PDE3B: variants seen among roughly 807,000 people sequenced by gnomAD.
The protein encoded by PDE3B is phosphodiesterase 3B, also known as cGMP-inhibited 3',5'-cyclic phosphodiesterase 3B.
A neutral mutation model predicts 116.8 loss-of-function variants in PDE3B; 66 were observed. The observed-to-expected ratio is 0.56, with a 90% CI of 0.46 to 0.69. PDE3B has a LOEUF of 0.69. Among genes scored for constraint, PDE3B ranks in the 30% least tolerant of loss-of-function variants. PDE3B has a pLI of 0.00. For synonymous variants in PDE3B, 595 were observed against 533.6 expected (o/e 1.12, Z -1.59); for missense variants, 1,384 against 1,368.1 (o/e 1.01, Z -0.18).
the PDE3B span, chr11:14,891,791 G>C: frequency 1.4e-6 from 2 of 1,406,500 alleles, no homozygotes; most frequent in Non-Finnish European, 1.8e-6. Context: ...GGCTCCCCCT[G>C]CAAGGGGGCA....
intron 1 of PDE3B, among the ~76,000 whole-genome samples, chr11:14,708,529 T>C (rs1325804120): frequency 3.3e-5 from 5 of 152,098 alleles, no homozygotes; most frequent in Non-Finnish European, 7.4e-5. Context: ...CTAAATGTAA[T>C]ACATGGCTTC....
intron 1 of PDE3B, among the ~76,000 whole-genome samples, chr11:14,660,141 T>C (rs1302130593): frequency 6.6e-6 from 1 of 152,210 alleles, no homozygotes; most frequent in Non-Finnish European, 1.5e-5. Flanking sequence ...CTAAGAGCCA[T>C]TCTGGAAGAC....
chr11:14,648,742 A>G (rs979498398), intron 1 of PDE3B, among the ~76,000 whole-genome samples: 2 of 151,786 alleles, frequency 1.3e-5, no homozygotes, highest in Non-Finnish European at 2.9e-5. Flanking sequence ...CATAATCTGC[A>G]CTCTGCCATT....
chr11:14,890,597 A>T, the PDE3B span: 123 of 207,690 alleles, frequency 5.9e-4, no homozygotes, highest in Middle Eastern at 0.015. Context: ...CCCAGGCTGG[A>T]GTGCAGTGGC....
chr11:14,729,802 G>A (rs566943081), intron 1 of PDE3B, among the ~76,000 whole-genome samples: 1 of 152,132 alleles, frequency 6.6e-6, no homozygotes, highest in East Asian at 1.9e-4. Flanking sequence ...CAAATACTTT[G>A]TAATAAAAAC....
intron 15 of PDE3B, among the ~76,000 whole-genome samples, chr11:14,868,634 T>C (rs1404717901): frequency 2.0e-5 from 3 of 152,250 alleles, no homozygotes; most frequent in Non-Finnish European, 2.9e-5. Context: ...AAAGTAGAAT[T>C]TAAATTATAC....
chr11:14,890,511 T>C, the PDE3B span: 3 of 799,032 alleles, frequency 3.8e-6, no homozygotes, highest in Non-Finnish European at 4.5e-6. Context: ...ATTAGTGACT[T>C]TCTATTCTAG....
chr11:14,893,236 C>A, the PDE3B span, among the ~76,000 whole-genome samples: 1 of 152,172 alleles, frequency 6.6e-6, no homozygotes, highest in Non-Finnish European at 1.5e-5. Flanking sequence ...GAGGGAAGAG[C>A]AATGACATGG....
intron 14 of PDE3B, 68 bp from the exon 15 acceptor site, chr11:14,867,438 T>G: frequency 7.2e-7 from 1 of 1,386,768 alleles, no homozygotes; most frequent in East Asian, 2.3e-5. Flanking sequence ...CAAGATAATT[T>G]TAACAGCAAA....
intron 5 of PDE3B, among the ~76,000 whole-genome samples, chr11:14,811,111 T>G (rs1452059281): frequency 4.6e-5 from 7 of 152,188 alleles, no homozygotes; most frequent in African/African-American, 1.7e-4. Flanking sequence ...TCTCCCATTT[T>G]GTAGGTTGCC....
Position 14,674,141 on chromosome 11 carries a change from G to A in PDE3B, c.978+29088G>A, listed in dbSNP as rs1197489224. 34 of 1,425,486 alleles carry A rather than the reference G, an allele frequency of 2.4e-5. 1 individual carries two copies. The East Asian group carries it at 6.9e-4, about 29-fold the overall frequency. The allele number at this position is 1,425,486 out of a possible 1,614,324, so 88.3% of individuals were successfully genotyped here. A position where few individuals can be genotyped will look rare whatever the true frequency, so the allele number is the denominator to read the frequency against. On this transcript the variant is annotated intron_variant, in intron 1 of 15. Coordinates refer to ENST00000282096, the MANE Select transcript of PDE3B (RefSeq NM_000922.4). ...TCATTTTCAACAGTAGGATCTACCC[G>A]GGTCCTTTTCTTCCGAGGAGGCCAA...
intron 4 of PDE3B, among the ~76,000 whole-genome samples, chr11:14,798,849 T>C (rs959552722): frequency 5.9e-5 from 9 of 152,178 alleles, no homozygotes; most frequent in Non-Finnish European, 8.8e-5. Flanking sequence ...TGGCTAGTGG[T>C]CAATATATTT....
At chr11:14,737,600 C>A (rs562087849) in intron 1 of PDE3B, among the ~76,000 whole-genome samples, 1 of 151,656 alleles carries the variant, frequency 6.6e-6, no homozygotes, top group South Asian at 2.1e-4. Flanking sequence ...GTGAAATTTG[C>A]ATAGCCTAAA....
intron 1 of PDE3B, among the ~76,000 whole-genome samples, chr11:14,739,450 C>G (rs557836865): frequency 6.6e-6 from 1 of 152,092 alleles, no homozygotes; most frequent in Non-Finnish European, 1.5e-5. Context: ...TGCACACTGA[C>G]TTTGTATCCT....
At chr11:14,744,424 G>A (rs527457837) in intron 1 of PDE3B, among the ~76,000 whole-genome samples, 4 of 152,296 alleles carry the variant, frequency 2.6e-5, no homozygotes, top group African/African-American at 9.6e-5. Flanking sequence ...CCATGAATGT[G>A]AATGTTTTTC....
At chr11:14,717,794 C>T (rs1406222272) in intron 1 of PDE3B, among the ~76,000 whole-genome samples, 9 of 136,040 alleles carry the variant, frequency 6.6e-5, no homozygotes, top group Admixed American at 3.0e-4. Context: ...AAGGAACAAC[C>T]GGTACCAGCC....
At chr11:14,813,938 T>C (rs527762039) in intron 5 of PDE3B, among the ~76,000 whole-genome samples, 1 of 152,312 alleles carries the variant, frequency 6.6e-6, no homozygotes, top group Admixed American at 6.5e-5. Context: ...GGAAGTATTA[T>C]TACAGGAATA....
chr11:14,648,334 T>TA (rs1205017714), intron 1 of PDE3B, among the ~76,000 whole-genome samples: 3 of 152,110 alleles, frequency 2.0e-5, no homozygotes, highest in East Asian at 1.9e-4. Context: ...AAATATTACT[T>TA]AAAGTTTTAA....
At chr11:14,778,895 A>G (rs1453295415) in intron 2 of PDE3B, among the ~76,000 whole-genome samples, 1 of 152,206 alleles carries the variant, frequency 6.6e-6, no homozygotes, top group Admixed American at 6.5e-5. Flanking sequence ...AGAATGTTCG[A>G]ACCCATCGCA....
Sources: allele counts gnomAD v4.1 joint callset (sites outside exome capture counted in the v4.1 genomes callset), GRCh38; gene constraint gnomAD v4.1.1; transcripts MANE v1.5; gene names NCBI Gene and HGNC (gene_info 2026-07-23, HGNC 2026-07-21).